The following TMEM132D variants were observed in gnomAD, a reference collection of about 807,000 sequenced individuals.
TMEM132D encodes the protein mature OL transmembrane protein.
TMEM132D carries 21 observed loss-of-function variants against 62.3 expected under a neutral mutation model. That is an observed-to-expected ratio of 0.34 (90% CI 0.24 to 0.49). The LOEUF (loss-of-function observed/expected upper bound fraction) is 0.49. Among genes scored for constraint, TMEM132D ranks in the 20% least tolerant of loss-of-function variants. The pLI is 0.99. For missense variants in TMEM132D, 1,346 were observed against 1,402.8 expected, an observed-to-expected ratio of 0.96 and a Z score of 0.65; for synonymous variants, 621 against 575.6, an observed-to-expected ratio of 1.08 and a Z score of -1.13.
intron 2 of TMEM132D, among the ~76,000 whole-genome samples, chr12:129,628,001 T>C (rs1462482966): frequency 6.6e-6 from 1 of 152,116 alleles, no homozygotes; most frequent in Non-Finnish European, 1.5e-5. Context: ...AAACAGTAAT[T>C]TATATCACAC....
chr12:129,741,219 G>T (rs912175448), intron 1 of TMEM132D, among the ~76,000 whole-genome samples: 36 of 152,098 alleles, frequency 2.4e-4, no homozygotes, highest in Non-Finnish European at 3.8e-4. Context: ...TCTCTTAATG[G>T]CCATAAGCCT....
intron 4 of TMEM132D, among the ~76,000 whole-genome samples, chr12:129,308,815 AT>A (rs1593331541): frequency 6.6e-6 from 1 of 152,242 alleles, no homozygotes; most frequent in East Asian, 1.9e-4. Flanking sequence ...ATTTGATGGA[AT>A]AAAAATGTCC....
chr12:129,619,565 C>A (rs764785578), intron 2 of TMEM132D, among the ~76,000 whole-genome samples: 3 of 152,210 alleles, frequency 2.0e-5, no homozygotes, highest in Non-Finnish European at 2.9e-5. Flanking sequence ...CCCAGCCCCA[C>A]CACCCATTTG....
chr12:129,209,735 G>A, intron 4 of TMEM132D, 72 bp from the exon 5 acceptor site: 2 of 1,580,988 alleles, frequency 1.3e-6, no homozygotes, highest in Non-Finnish European at 1.7e-6. Flanking sequence ...TATGCCGCCT[G>A]CCTTTCCTCA....
chr12:129,245,398 T>G (rs1290517624), intron 4 of TMEM132D, among the ~76,000 whole-genome samples: 1 of 152,238 alleles, frequency 6.6e-6, no homozygotes, highest in Non-Finnish European at 1.5e-5. Flanking sequence ...AGCTCATTTA[T>G]TTTTAGTGCT....
At chr12:129,494,005 C>T (rs775282531) in intron 3 of TMEM132D, among the ~76,000 whole-genome samples, 9 of 152,184 alleles carry the variant, frequency 5.9e-5, no homozygotes, top group Non-Finnish European at 1.0e-4. Context: ...AGCTTCTTCC[C>T]TTCTGTGTTC....
At chr12:129,483,981 T>A (rs1224417161) in intron 3 of TMEM132D, among the ~76,000 whole-genome samples, 2 of 152,164 alleles carry the variant, frequency 1.3e-5, no homozygotes, top group African/African-American at 4.8e-5. Flanking sequence ...TTATTTCTCT[T>A]TTTTTTGAGG....
At chr12:129,574,222 G>A (rs907073588) in intron 2 of TMEM132D, among the ~76,000 whole-genome samples, 1 of 151,946 alleles carries the variant, frequency 6.6e-6, no homozygotes, top group Non-Finnish European at 1.5e-5. Flanking sequence ...AGGATGAACA[G>A]ATTGATAGAT....
At chr12:129,354,793 A>C (rs929488505) in intron 3 of TMEM132D, among the ~76,000 whole-genome samples, 1 of 152,198 alleles carries the variant, frequency 6.6e-6, no homozygotes, top group African/African-American at 2.4e-5. Flanking sequence ...TACCCAGCTA[A>C]TAAACGGAGG....
At chr12:129,893,102 C>T (rs1229199006) in intron 1 of TMEM132D, among the ~76,000 whole-genome samples, 4 of 152,108 alleles carry the variant, frequency 2.6e-5, no homozygotes, top group Non-Finnish European at 5.9e-5. Context: ...GTCTTGAACT[C>T]TTGACCTCGT....
intron 1 of TMEM132D, among the ~76,000 whole-genome samples, chr12:129,740,118 A>T (rs1188893409): frequency 6.6e-6 from 1 of 152,074 alleles, no homozygotes; most frequent in Admixed American, 6.5e-5. Flanking sequence ...AATGGTAGTG[A>T]CTATTGACCA....
intron 1 of TMEM132D, among the ~76,000 whole-genome samples, chr12:129,774,453 C>T (rs1310469913): frequency 2.6e-5 from 4 of 152,118 alleles, no homozygotes; most frequent in African/African-American, 7.2e-5. Flanking sequence ...CTGCCTAGAT[C>T]GGGTGTAACC....
In TMEM132D at chr12:129,649,753, T is replaced by G. The variant is rs547611469; in HGVS notation, c.968+50057A>C. ...ATTCTATATAATACATAAAGATATA[T>G]ACACATATGTATGTGTATATGTGTG... is the stretch of plus-strand genomic sequence containing the variant. On this transcript the variant is annotated intron_variant, in intron 2 of 8. Transcript: ENST00000422113. 1.9e-3 allele frequency among the ~76,000 whole-genome samples: 288 copies of G among 152,182 alleles called. 2 individuals carry two copies. The highest frequency in any genetic ancestry group is 6.4e-3 in the African/African-American group (266 of 41,540).
At chr12:129,670,408 G>A (rs1428607022) in intron 2 of TMEM132D, among the ~76,000 whole-genome samples, 1 of 152,098 alleles carries the variant, frequency 6.6e-6, no homozygotes, top group Non-Finnish European at 1.5e-5. Flanking sequence ...ATCAGGGCTT[G>A]AGACGTTTTG....
chr12:129,886,108 C>T (rs149369335), intron 1 of TMEM132D, among the ~76,000 whole-genome samples: 3,459 of 152,210 alleles, frequency 0.023, 64 homozygotes, highest in Non-Finnish European at 0.034. Flanking sequence ...ATGACTGTTA[C>T]ACAATCAAAA....
intron 4 of TMEM132D, among the ~76,000 whole-genome samples, chr12:129,260,030 T>A (rs1880512556): frequency 6.6e-6 from 1 of 152,128 alleles, no homozygotes; most frequent in African/African-American, 2.4e-5. Context: ...CAGTTGAGCC[T>A]GAAATGAGTC....
chr12:129,699,835 A>G lies in TMEM132D; in HGVS notation c.943T>C (p.Ser315Pro). Residue 315 changes from serine to proline, a missense_variant, in exon 2 of 9, where the codon TCC becomes CCC. Ser to Pro is a moderately conservative substitution (Grantham distance 74, BLOSUM62 -1). Transcript: ENST00000422113. ...CTCAACGTGAAGCGATCTTCAGTGG[A>G]ATTTCTGGAGATGGAAACAGGAAAA... ...LTFPVSISRN[S>P]TEDRFTLRAK... 1.2e-6 allele frequency: 2 copies of G among 1,614,108 alleles called. No homozygotes were observed. Among genetic ancestry groups the G allele is most frequent in the East Asian group, 2.2e-5 (1 of 44,876 alleles).
At chr12:129,786,434 GA>G (rs1179201905) in intron 1 of TMEM132D, among the ~76,000 whole-genome samples, 1 of 151,896 alleles carries the variant, frequency 6.6e-6, no homozygotes, top group African/African-American at 2.4e-5. Context: ...TGTCACAAGG[GA>G]AAAAAAACCA....
At chr12:129,159,093 G>A (rs1254456571) in intron 5 of TMEM132D, among the ~76,000 whole-genome samples, 8 of 152,212 alleles carry the variant, frequency 5.3e-5, no homozygotes, top group Admixed American at 4.6e-4. Context: ...TGGGGATACA[G>A]AGCCAAACCA....
Sources: gnomAD v4.1 joint callset for allele counts (sites outside exome capture counted in the v4.1 genomes callset) on GRCh38, gnomAD v4.1.1 for gene constraint, MANE v1.5 for transcripts, NCBI Gene and HGNC (gene_info 2026-07-23, HGNC 2026-07-21) for gene names.